Variants in ABCA8 observed in about 807,000 individuals in gnomAD.
The protein encoded by ABCA8 is ABC-type organic anion transporter ABCA8.
In ABCA8, 177 loss-of-function variants were observed where a neutral mutation model predicts 192.3. The ratio of observed to expected loss-of-function variants is 0.92; its 90% CI spans 0.81 to 1.04. ABCA8 has a LOEUF of 1.04. Ranked by LOEUF, ABCA8 falls within the 50% of genes least tolerant of loss-of-function variation. ABCA8 has a pLI of 0.00. For missense variants in ABCA8, 1,915 were observed against 1,904.8 expected (o/e 1.01, Z -0.10); for synonymous variants, 642 against 690.2 (o/e 0.93, Z 1.09).
intron 37 of ABCA8, among the ~76,000 whole-genome samples, chr17:68,873,078 A>C (rs1470728433): frequency 6.6e-6 from 1 of 152,176 alleles, no homozygotes; most frequent in Admixed American, 6.5e-5. Flanking sequence ...GCATTCACTC[A>C]CCACTGTCTC....
intron 7 of ABCA8, among the ~76,000 whole-genome samples, chr17:68,931,202 C>A (rs2067863050): frequency 6.6e-6 from 1 of 152,182 alleles, no homozygotes; most frequent in Non-Finnish European, 1.5e-5. Flanking sequence ...CATGGCCATT[C>A]CTCATTACAC....
At position 68,911,307 on chromosome 17, in the gene ABCA8, C is replaced by T. The variant is rs1209489684; in HGVS notation, c.2139-3428G>A. On this transcript the variant is annotated intron_variant, in intron 17 of 39. Transcript: ENST00000586539. This position sits in a 1 kb window ranked among gnomAD's most constrained non-coding sequence, Gnocchi z 5.7. ...ACATCAGTGGTAGCCAGGCAGTACT[C>T]GCTGCAGGCCTGGGGCAGTGGTGAC... is the stretch of plus-strand genomic sequence containing the variant. 1.3e-5 allele frequency among the ~76,000 whole-genome samples: 2 copies of T among 152,082 alleles called. No homozygotes were observed. Among genetic ancestry groups the T allele is most frequent in the South Asian group, 2.1e-4 (1 of 4,830 alleles).
chr17:68,894,908 C>T lies in ABCA8; in HGVS notation c.2870G>A (p.Gly957Glu). ...TTCATTACAACACACTGTGATGGCT[C>T]CATTATAAGATGGGTCATCTGTGCC... ...RNGTDDPSYN[G>E]AITVCCNEKN... Residue 957 changes from glycine (G) to glutamate (E), a missense_variant, in exon 22 of 40, where the codon GGA becomes GAA. By Grantham distance (98) the Gly-to-Glu change is moderately conservative. Coordinates refer to ENST00000586539, the MANE Select transcript of ABCA8 (RefSeq NM_001288985.2). 1 of 1,613,430 alleles carries T rather than the reference C, an allele frequency of 6.2e-7. No homozygotes were observed. Among genetic ancestry groups the T allele is most frequent in the Non-Finnish European group, 8.5e-7 (1 of 1,179,712 alleles).
chr17:68,885,280 A>T lies in ABCA8; in HGVS notation c.3465T>A (p.Ser1155Arg), dbSNP rs769278324. The change falls in exon 27 of 40, where the codon AGT becomes AGA. Residue 1155 changes from serine to arginine, a missense_variant. Transcript: ENST00000586539. ...TVFSVAGFAF[S>R]IFESDIPFIF... ...TAAATGGAATATCACTTTCGAAGAT[A>T]CTGAACGCAAATCCAGCCACAGAGA... The T allele has an allele frequency of 6.2e-7, 1 of 1,613,336 alleles. No homozygotes were observed. The highest frequency in any genetic ancestry group is 1.1e-5 in the South Asian group (1 of 90,888).
At chr17:68,953,966 C>A (rs2068641623) in intron 1 of ABCA8, among the ~76,000 whole-genome samples, 2 of 151,542 alleles carry the variant, frequency 1.3e-5, no homozygotes, top group South Asian at 4.2e-4. Context: ...ACAGAGAGGG[C>A]AAAAGTTTCT....
At chr17:68,868,244 A>G (rs2048243586) in intron 39 of ABCA8, 57 bp downstream of exon 39, 1 of 1,607,744 alleles carries the variant, frequency 6.2e-7, no homozygotes, top group African/African-American at 1.3e-5. Context: ...TGCAGCTCCC[A>G]GGGAATGTTT....
At chr17:68,920,143 T>C (rs536988133) in intron 13 of ABCA8, 8 of 152,280 alleles carry the variant, frequency 5.3e-5, no homozygotes, top group African/African-American at 1.7e-4. Flanking sequence ...AGTAAACTAA[T>C]GCAGGAACAG....
At chr17:68,903,752 C>T (rs907402659) in intron 19 of ABCA8, among the ~76,000 whole-genome samples, 9 of 152,174 alleles carry the variant, frequency 5.9e-5, no homozygotes, top group Middle Eastern at 3.4e-3. Flanking sequence ...AAGGTCATCA[C>T]AGTGGTTAGA....
intron 27 of ABCA8, chr17:68,884,856 T>G (rs1204547769): frequency 2.0e-6 from 2 of 985,320 alleles, no homozygotes; most frequent in Non-Finnish European, 2.4e-6. Context: ...GGTGCTTCTT[T>G]AGAACTCTGA....
chr17:68,951,893 T>C (rs919014258), intron 1 of ABCA8, among the ~76,000 whole-genome samples: 5 of 152,220 alleles, frequency 3.3e-5, no homozygotes, highest in African/African-American at 9.6e-5. Context: ...TTAAACCATG[T>C]ATGAATTTTT....
chr17:68,944,188 A>G (rs2068312301), intron 2 of ABCA8, among the ~76,000 whole-genome samples: 1 of 151,120 alleles, frequency 6.6e-6, no homozygotes, highest in Admixed American at 6.6e-5. Context: ...GAGCATTAGG[A>G]CAAATACCTA....
chr17:68,920,216 CA>C (rs774286058), intron 13 of ABCA8, among the ~76,000 whole-genome samples: 6 of 151,936 alleles, frequency 3.9e-5, no homozygotes, highest in Non-Finnish European at 7.4e-5. Context: ...CTTATGAACA[CA>C]AAAAGGCAAA....
intron 2 of ABCA8, among the ~76,000 whole-genome samples, chr17:68,942,414 C>A (rs1320474366): frequency 6.6e-6 from 1 of 152,196 alleles, no homozygotes; most frequent in Non-Finnish European, 1.5e-5. Flanking sequence ...GCATCTGATG[C>A]CATCCAGGTA....
At chr17:68,882,053 C>T in intron 30 of ABCA8, 73 bp from the exon 31 acceptor site, 1 of 1,320,132 alleles carries the variant, frequency 7.6e-7, no homozygotes, top group Non-Finnish European at 1.1e-6. Flanking sequence ...TTCCATCTTC[C>T]CATTGGCTGG....
intron 21 of ABCA8, among the ~76,000 whole-genome samples, chr17:68,899,838 C>T (rs1270073487): frequency 6.6e-6 from 1 of 152,080 alleles, no homozygotes; most frequent in Non-Finnish European, 1.5e-5. Flanking sequence ...AAATAGTCTA[C>T]TCCTAAATAA....
Position 68,918,455 on chromosome 17 carries a change from A to G in ABCA8, c.1880T>C (p.Phe627Ser). The stretch of plus-strand genomic sequence containing the variant: ...AGGATCTCCTAAAATGGCAATCCCA[A>G]AGGTTAGCTTTCTTTTCTGTCCACC... Reference protein sequence around the residue: ...LSGGQKRKLTFGIAILGDPQI... With the variant: ...LSGGQKRKLTSGIAILGDPQI... The change falls in exon 15 of 40, where the codon TTT (phenylalanine) becomes TCT (serine). Residue 627 changes from phenylalanine to serine, a missense_variant. By Grantham distance (155) the Phe-to-Ser change is radical. Coordinates refer to ENST00000586539, the MANE Select transcript of ABCA8 (RefSeq NM_001288985.2). 6.4e-7 allele frequency: 1 copy of G among 1,572,356 alleles called. No individual in the cohort carries two copies. The highest frequency in any genetic ancestry group is 8.6e-7 in the Non-Finnish European group (1 of 1,163,546).
Position 68,867,991 on chromosome 17 carries a change from T to C in ABCA8, c.*94A>G, listed in dbSNP as rs2143161209. The C allele has an allele frequency of 5.2e-6, 5 of 956,584 alleles. No homozygotes were observed. Among genetic ancestry groups the C allele is most frequent in the East Asian group, 2.6e-5 (1 of 38,134 alleles). The allele number at this position is 956,584 out of a possible 1,614,324, so 59.3% of individuals were successfully genotyped here. ...ACACGGAGAACCATTTCTGTACTTA[T>C]AATATAGTTTCTAAAAATAGAACAT... is the stretch of plus-strand genomic sequence containing the variant. On this transcript the variant is annotated 3_prime_UTR_variant, in exon 40 of 40. Transcript: ENST00000586539.
At chr17:68,909,135 G>A (rs934265365) in intron 17 of ABCA8, among the ~76,000 whole-genome samples, 1 of 152,194 alleles carries the variant, frequency 6.6e-6, no homozygotes, top group Admixed American at 6.5e-5. Context: ...CCACTTGTAG[G>A]AACTTGTGCT....
chr17:68,893,484 T>G (rs979551267), intron 23 of ABCA8, among the ~76,000 whole-genome samples: 1 of 152,214 alleles, frequency 6.6e-6, no homozygotes, highest in Admixed American at 6.5e-5. Flanking sequence ...CTAATGTAGA[T>G]AGTCTGAAAT....
Sources: allele counts gnomAD v4.1 joint callset (sites outside exome capture counted in the v4.1 genomes callset), GRCh38; gene constraint gnomAD v4.1.1; non-coding constraint Gnocchi (gnomAD v3.1); transcripts MANE v1.5; gene names NCBI Gene and HGNC (gene_info 2026-07-23, HGNC 2026-07-21).